Variants in WDR48 observed in about 807,000 individuals in gnomAD.
WDR48 encodes WD repeat-containing protein 48.
A neutral mutation model predicts 94.0 loss-of-function variants in WDR48; 22 were observed. The observed-to-expected ratio is 0.23, with a 90% CI of 0.17 to 0.33. The LOEUF (loss-of-function observed/expected upper bound fraction) is 0.33. Ranked by LOEUF, WDR48 falls within the 10% of genes least tolerant of loss-of-function variation. The pLI is 1.00. For missense variants in WDR48, 541 were observed against 813.8 expected (o/e 0.66, Z 4.08); for synonymous variants, 278 against 280.5 (o/e 0.99, Z 0.09).
chr3:39,065,444 C>T (rs1419408518), intron 2 of WDR48, among the ~76,000 whole-genome samples: 1 of 152,116 alleles, frequency 6.6e-6, no homozygotes, highest in South Asian at 2.1e-4. Context: ...ATTCAAATCC[C>T]CACAGCCTAC....
At chr3:39,091,797 C>T (rs148447977) in intron 17 of WDR48, 96 bp downstream of exon 17, 2 of 1,044,598 alleles carry the variant, frequency 1.9e-6, no homozygotes, top group African/African-American at 3.3e-5. Flanking sequence ...AATACCAGAT[C>T]TAAGGCTGAT....
Position 39,055,874 on chromosome 3 carries a change from A to G in WDR48, c.48+3801A>G, listed in dbSNP as rs547130984. On this transcript the variant is annotated intron_variant, in intron 1 of 18. Coordinates refer to ENST00000302313, the MANE Select transcript of WDR48 (RefSeq NM_020839.4). ...AAAATACTTCGCTTAACTTGCTGCC[A>G]CTTCTAGTTAAGCTCTTTCCCCAGC... Among the ~76,000 whole-genome samples the G allele has an allele frequency of 2.4e-4, 37 of 152,262 alleles. 1 individual carries two copies. The highest frequency in any genetic ancestry group is 8.7e-4 in the African/African-American group (36 of 41,540).
In WDR48 at chr3:39,091,645, C is replaced by G; in HGVS notation, c.1689C>G (p.Asn563Lys). Residue 563 changes from asparagine (N) to lysine (K), a missense_variant, in exon 17 of 19, where the codon AAC becomes AAG. Around this residue, in one of 5 missense-constraint regions of WDR48, gnomAD observed 109 missense variants for 195.5 expected, o/e 0.56. Transcript: ENST00000302313. ...ITVDKNMPKF[N>K]KIPFYLQPHA... is the part of the protein sequence containing the mutation. ...TTCAGAAAAATATGCCCAAATTCAA[C>G]AAAATTCCTTTCTACCTCCAACCTC... is the stretch of plus-strand genomic sequence containing the variant. 1 of 1,606,012 alleles carries G rather than the reference C, an allele frequency of 6.2e-7. No individual in the cohort carries two copies. The highest frequency in any genetic ancestry group is 8.5e-7 in the Non-Finnish European group (1 of 1,177,460).
intron 11 of WDR48, among the ~76,000 whole-genome samples, chr3:39,082,682 G>A (rs1244268238): frequency 6.6e-6 from 1 of 152,192 alleles, no homozygotes; most frequent in African/African-American, 2.4e-5. Context: ...GTGATGTAGG[G>A]AATGTAAGAT....
At chr3:39,066,972 G>T in intron 5 of WDR48, 97 bp downstream of exon 5, 1 of 1,431,746 alleles carries the variant, frequency 7.0e-7, no homozygotes. Context: ...CATCGAGAGA[G>T]TGTTTCATAT....
intron 5 of WDR48, 103 bp from the exon 6 acceptor site, chr3:39,068,668 T>C (rs1277424195): frequency 6.9e-6 from 5 of 729,776 alleles, no homozygotes; most frequent in East Asian, 2.5e-5. Flanking sequence ...AGAGGACTTA[T>C]AAAGATAAGA....
intron 1 of WDR48, among the ~76,000 whole-genome samples, chr3:39,062,296 A>T (rs2033317717): frequency 6.6e-6 from 1 of 152,160 alleles, no homozygotes; most frequent in Non-Finnish European, 1.5e-5. Flanking sequence ...ATTTCATTAC[A>T]TTAGAAAGTT....
Position 39,074,872 on chromosome 3 carries a change from C to T in WDR48, c.819C>T (p.Asp273=). ...AFTHVYSGGR[D]RKIYCTDLRN... is the part of the protein sequence containing the mutation. ...CACATGTGTATTCTGGTGGAAGGGA[C>T]AGGAAGATTTATTGTACAGACCTAA... The change falls in exon 8 of 19, where the codon GAC becomes GAT. Residue 273 remains aspartate, a synonymous_variant. Transcript: ENST00000302313. The T allele has an allele frequency of 1.2e-6, 2 of 1,614,174 alleles. No homozygotes were observed. Among genetic ancestry groups the T allele is most frequent in the African/African-American group, 1.3e-5 (1 of 75,036 alleles).
chr3:39,085,753 T>G (rs2034778677), intron 14 of WDR48, 143 bp downstream of exon 14: 1 of 675,232 alleles, frequency 1.5e-6, no homozygotes, highest in Admixed American at 3.2e-5. Context: ...TATCTCAAAG[T>G]AGGAACATCC....
intron 17 of WDR48, among the ~76,000 whole-genome samples, chr3:39,093,399 C>G (rs766225373): frequency 6.6e-6 from 1 of 152,236 alleles, no homozygotes; most frequent in Non-Finnish European, 1.5e-5. Context: ...GAGTCTCACT[C>G]TGTCGCCCAG....
intron 1 of WDR48, among the ~76,000 whole-genome samples, chr3:39,062,090 T>G (rs945066507): frequency 1.3e-5 from 2 of 152,172 alleles, no homozygotes; most frequent in African/African-American, 4.8e-5. Context: ...TTGCTGTGCA[T>G]AAGCTCTTTA....
chr3:39,084,750 A>C lies in WDR48; in HGVS notation c.1378+9A>C, dbSNP rs1237065070. On this transcript the variant is annotated intron_variant, in intron 13 of 18. Coordinates refer to ENST00000302313, the MANE Select transcript of WDR48 (RefSeq NM_020839.4). ...TGGGTCAGATCCAAAATGTGAGTTT[A>C]AGTGTCCTTCATTTTTTTCCTCCCT... The C allele has an allele frequency of 1.6e-5, 25 of 1,609,854 alleles. No individual in the cohort carries two copies. The highest frequency in any genetic ancestry group is 2.0e-5 in the Non-Finnish European group (24 of 1,177,958).
At chr3:39,091,801 G>A in intron 17 of WDR48, 100 bp downstream of exon 17, 1 of 1,021,678 alleles carries the variant, frequency 9.8e-7, no homozygotes, top group Non-Finnish European at 1.4e-6. Flanking sequence ...CCAGATCTAA[G>A]GCTGATTTTA....
intron 18 of WDR48, 166 bp from the exon 19 acceptor site, chr3:39,094,482 C>T: frequency 6.5e-7 from 1 of 1,535,034 alleles, no homozygotes; most frequent in Non-Finnish European, 8.7e-7. Context: ...TCTCACTAAG[C>T]TCAATTTCAT....
chr3:39,066,920 CAT>C, intron 5 of WDR48, 45 bp downstream of exon 5: 1 of 1,589,844 alleles, frequency 6.3e-7, no homozygotes, highest in South Asian at 1.1e-5. Flanking sequence ...TCCAAGTTAA[CAT>C]AAATAAAGAA....
chr3:39,066,921 A>G (rs758131829), intron 5 of WDR48, 46 bp downstream of exon 5: 9 of 1,587,924 alleles, frequency 5.7e-6, no homozygotes, highest in African/African-American at 1.4e-5. Flanking sequence ...CCAAGTTAAC[A>G]TAAATAAAGA....
At chr3:39,082,541 C>T (rs987727089) in intron 11 of WDR48, among the ~76,000 whole-genome samples, 1 of 152,004 alleles carries the variant, frequency 6.6e-6, no homozygotes, top group Non-Finnish European at 1.5e-5. Context: ...TGGCCTCCCA[C>T]AGTGCTGAGA....
chr3:39,074,126 A>C (rs1418364150), intron 7 of WDR48, among the ~76,000 whole-genome samples: 1 of 152,236 alleles, frequency 6.6e-6, no homozygotes, highest in Non-Finnish European at 1.5e-5. Flanking sequence ...CCATGGGCCT[A>C]GTGCATACAG....
intron 1 of WDR48, among the ~76,000 whole-genome samples, chr3:39,062,089 A>G (rs1575395802): frequency 6.6e-6 from 1 of 152,198 alleles, no homozygotes; most frequent in East Asian, 1.9e-4. Context: ...TTTGCTGTGC[A>G]TAAGCTCTTT....
Sources: gnomAD v4.1 joint callset for allele counts (sites outside exome capture counted in the v4.1 genomes callset) on GRCh38, gnomAD v4.1.1 for gene constraint, gnomAD v4.1.1 regional missense constraint, MANE v1.5 for transcripts, NCBI Gene and HGNC (gene_info 2026-07-23, HGNC 2026-07-21) for gene names.